AATF: variants seen among roughly 807,000 people sequenced by gnomAD.
AATF encodes the protein protein AATF.
A neutral mutation model predicts 63.7 loss-of-function variants in AATF; 48 were observed. The observed-to-expected ratio is 0.75, with a 90% CI of 0.60 to 0.96. AATF has a LOEUF of 0.96. Ranked by LOEUF, AATF falls within the 40% of genes least tolerant of loss-of-function variation. The probability of loss-of-function intolerance (pLI) is 0.00; values close to 1 mark genes in which losing one functional copy is unlikely to be tolerated. For missense variants in AATF, 639 were observed against 685.7 expected (o/e 0.93, Z 0.76); for synonymous variants, 258 against 247.7 (o/e 1.04, Z -0.39).
chr17:37,011,801 C>T (rs1976171081), intron 8 of AATF, among the ~76,000 whole-genome samples: 1 of 152,048 alleles, frequency 6.6e-6, no homozygotes, highest in Non-Finnish European at 1.5e-5. Flanking sequence ...ACATAGAGAT[C>T]TTGAGACCTT....
At chr17:37,015,440 A>G (rs2071422234) in intron 8 of AATF, among the ~76,000 whole-genome samples, 1 of 152,158 alleles carries the variant, frequency 6.6e-6, no homozygotes, top group South Asian at 2.1e-4. Context: ...TCTGCTTCCA[A>G]GATGGTGCCT....
chr17:36,972,740 G>T (rs1423526887), intron 4 of AATF, among the ~76,000 whole-genome samples: 1 of 151,018 alleles, frequency 6.6e-6, no homozygotes, highest in East Asian at 1.9e-4. Context: ...GCTGTCTGAT[G>T]AAACTGTTGG....
Position 37,056,638 on chromosome 17 carries a change from C to G in AATF, c.1657C>G (p.Pro553Ala). The G allele has an allele frequency of 6.2e-7, 1 of 1,614,228 alleles. No individual in the cohort carries two copies. The highest frequency in any genetic ancestry group is 8.5e-7 in the Non-Finnish European group (1 of 1,180,044). The change falls in exon 12 of 12, where the codon CCT becomes GCT. Residue 553 changes from proline to alanine, a missense_variant. Pro to Ala is a conservative substitution (Grantham distance 27). Transcript: ENST00000619387. ...CCGCTCTCTTTTTGGCCAGCTCCAC[C>G]CTCCCGACGAAGGCCACGGGGATTG... ...LYRSLFGQLH[P>A]PDEGHGD
intron 4 of AATF, among the ~76,000 whole-genome samples, chr17:36,962,226 A>G (rs745371311): frequency 1.3e-5 from 2 of 152,212 alleles, no homozygotes; most frequent in African/African-American, 2.4e-5. Flanking sequence ...TTATCTATTT[A>G]TTAGAGAGTG....
At chr17:37,030,107 T>C (rs2071541712) in intron 10 of AATF, among the ~76,000 whole-genome samples, 1 of 151,824 alleles carries the variant, frequency 6.6e-6, no homozygotes, top group Non-Finnish European at 1.5e-5. Context: ...GACAGGGTCT[T>C]ACTATGTTGT....
chr17:37,030,708 A>G (rs1241966871), intron 10 of AATF, among the ~76,000 whole-genome samples: 1 of 152,146 alleles, frequency 6.6e-6, no homozygotes, highest in Non-Finnish European at 1.5e-5. Flanking sequence ...AGGTGGGGGA[A>G]ATGAAAGACC....
intron 4 of AATF, among the ~76,000 whole-genome samples, chr17:36,978,816 G>A (rs908000996): frequency 1.3e-5 from 2 of 151,510 alleles, no homozygotes; most frequent in African/African-American, 4.9e-5. Flanking sequence ...ATTCTGCTTG[G>A]GGAATATAGA....
chr17:36,951,666 C>G (rs1418868038), intron 2 of AATF, among the ~76,000 whole-genome samples: 3 of 152,170 alleles, frequency 2.0e-5, no homozygotes, highest in African/African-American at 7.2e-5. Context: ...TGTAGGCTGT[C>G]TGACTCCAAG....
chr17:37,049,800 A>T (rs778632505), intron 11 of AATF, among the ~76,000 whole-genome samples: 9 of 152,114 alleles, frequency 5.9e-5, no homozygotes, highest in Non-Finnish European at 1.0e-4. Context: ...TTGGCAAGAC[A>T]TCTTTTTCCG....
At chr17:36,993,295 C>T (rs2071229694) in intron 8 of AATF, among the ~76,000 whole-genome samples, 1 of 152,196 alleles carries the variant, frequency 6.6e-6, no homozygotes, top group Admixed American at 6.5e-5. Flanking sequence ...TCCCCTCACC[C>T]TTCAGTTTTC....
intron 11 of AATF, chr17:37,033,706 G>A (rs935929462): frequency 6.5e-6 from 1 of 154,644 alleles, no homozygotes; most frequent in Non-Finnish European, 1.5e-5. Flanking sequence ...AATTCTAGGG[G>A]TGGTAGGCAA....
At chr17:36,989,171 A>G in intron 6 of AATF, 76 bp from the exon 7 acceptor site, 1 of 1,459,104 alleles carries the variant, frequency 6.9e-7, no homozygotes, top group Non-Finnish European at 9.3e-7. Flanking sequence ...CTGACACAGA[A>G]AGATAGAGAA....
chr17:36,953,157 C>G lies in AATF; in HGVS notation c.555C>G (p.Asp185Glu). The change falls in exon 3 of 12, where the codon GAC (aspartate) becomes GAG (glutamate). Residue 185 changes from aspartate to glutamate, a missense_variant. Coordinates refer to ENST00000619387, the MANE Select transcript of AATF (RefSeq NM_012138.4). The stretch of plus-strand genomic sequence containing the variant: ...AGAGTGGCATGGAAGAAGGGGATGA[C>G]GCGGAAGACTCCCAAGGCGAGAGTG... ...DEESGMEEGD[D>E]AEDSQGESEE... is the part of the protein sequence containing the mutation. 6.2e-7 allele frequency: 1 copy of G among 1,614,048 alleles called. No individual in the cohort carries two copies. Among genetic ancestry groups the G allele is most frequent in the Middle Eastern group, 1.6e-4 (1 of 6,062 alleles).
In AATF at chr17:36,949,133, G is replaced by C. The variant is rs923794839; in HGVS notation, c.8G>C (p.Gly3Ala). ...GACCGGGAGCTGGTGACGATGGCGG[G>C]GCCGCAGCCCCTGGCGCTGCAACTG... MA[G>A]PQPLALQLEQ... is the part of the protein sequence containing the mutation. Residue 3 changes from glycine to alanine, a missense_variant, in exon 1 of 12, where the codon GGG (glycine) becomes GCG (alanine). By Grantham distance (60) the Gly-to-Ala change is moderately conservative. Transcript: ENST00000619387. 6.3e-7 allele frequency: 1 copy of C among 1,578,518 alleles called. No individual in the cohort carries two copies. The highest frequency in any genetic ancestry group is 8.6e-7 in the Non-Finnish European group (1 of 1,163,660).
At chr17:36,955,872 C>T (rs8075563) in intron 4 of AATF, among the ~76,000 whole-genome samples, 4,772 of 152,206 alleles carry the variant, frequency 0.031, 217 homozygotes, top group African/African-American at 0.094. Flanking sequence ...AAGTGATCTT[C>T]CCGCCTCAGC....
At chr17:37,033,279 A>G (rs964111745) in intron 11 of AATF, among the ~76,000 whole-genome samples, 1 of 152,192 alleles carries the variant, frequency 6.6e-6, no homozygotes, top group East Asian at 1.9e-4. Flanking sequence ...TGCAGAGTAA[A>G]GTGAGTGCAT....
intron 11 of AATF, chr17:37,046,109 A>G (rs574958068): frequency 1.1e-4 from 17 of 152,200 alleles, no homozygotes; most frequent in Admixed American, 9.8e-4. Context: ...CGATATCTGT[A>G]ATTTTGTCTT....
In AATF at chr17:36,958,677, G is replaced by A. The variant is rs557941502; in HGVS notation, c.832+4770G>A. Among the ~76,000 whole-genome samples the A allele has an allele frequency of 1.4e-3, 211 of 152,166 alleles. 1 individual carries two copies. Among genetic ancestry groups the A allele is most frequent in the African/African-American group, 4.9e-3 (205 of 41,522 alleles). ...CCAGCTTAAGCAATAATCAATTCATGGTCAATCTTATTTCATCTGTAGTTG... is the reference window on the plus strand; with the variant it reads ...CCAGCTTAAGCAATAATCAATTCATAGTCAATCTTATTTCATCTGTAGTTG... On this transcript the variant is annotated intron_variant, in intron 4 of 11. Transcript: ENST00000619387.
intron 8 of AATF, among the ~76,000 whole-genome samples, chr17:36,994,594 G>T (rs936777086): frequency 2.0e-5 from 3 of 152,174 alleles, no homozygotes; most frequent in African/African-American, 7.2e-5. Context: ...TTGTCAAAGC[G>T]CATTCCTAAA....
Sources: allele counts gnomAD v4.1 joint callset (sites outside exome capture counted in the v4.1 genomes callset), GRCh38; gene constraint gnomAD v4.1.1; transcripts MANE v1.5; gene names NCBI Gene and HGNC (gene_info 2026-07-23, HGNC 2026-07-21).